Variants in HYDIN observed in about 807,000 individuals in gnomAD.
HYDIN encodes axonemal central pair apparatus protein HYDIN.
A neutral mutation model predicts 403.9 loss-of-function variants in HYDIN; 132 were observed. That is an observed-to-expected ratio of 0.33 (90% CI 0.28 to 0.38). The LOEUF is 0.38. Ranked by LOEUF, HYDIN falls within the 10% of genes least tolerant of loss-of-function variation. The probability of loss-of-function intolerance (pLI) is 1.00; values close to 1 mark genes in which losing one functional copy is unlikely to be tolerated. For missense variants in HYDIN, 2,827 were observed against 5,009.5 expected (o/e 0.56, Z 13.15); for synonymous variants, 1,202 against 1,891.7 (o/e 0.64, Z 9.46).
intron 1 of HYDIN, among the ~76,000 whole-genome samples, chr16:71,191,536 C>T (rs369450029): frequency 1.3e-5 from 2 of 152,282 alleles, no homozygotes; most frequent in African/African-American, 4.8e-5. Flanking sequence ...GTCAATCCAG[C>T]TGTTCCAGTC....
At chr16:70,891,373 G>T (rs1305700208) in intron 57 of HYDIN, among the ~76,000 whole-genome samples, 1 of 152,152 alleles carries the variant, frequency 6.6e-6, no homozygotes, top group African/African-American at 2.4e-5. Flanking sequence ...ATTGTTAGTA[G>T]AGATGGGGTT....
At position 70,903,247 on chromosome 16, in the gene HYDIN, T is replaced by C. The variant is rs565078078; in HGVS notation, c.8849+378A>G. Among the ~76,000 whole-genome samples the C allele has an allele frequency of 2.9e-5, 3 of 103,796 alleles. 1 individual carries two copies. The highest frequency in any genetic ancestry group is 7.5e-5 in the African/African-American group (2 of 26,502). The allele number at this position is 103,796 out of a possible 152,430, so 68.1% of individuals were successfully genotyped here. On this transcript the variant is annotated intron_variant, in intron 52 of 85. Transcript: ENST00000393567. Reference sequence around the variant, plus strand: ...TTCCAATTAATGAATATGTAAGTTCTAGTTTTGGTCTAATGTTCTGCTTCT... The same window carrying C: ...TTCCAATTAATGAATATGTAAGTTCCAGTTTTGGTCTAATGTTCTGCTTCT...
intron 45 of HYDIN, among the ~76,000 whole-genome samples, chr16:70,931,386 T>C (rs2077326988): frequency 1.3e-5 from 2 of 151,558 alleles, no homozygotes; most frequent in African/African-American, 4.9e-5. Context: ...AGTTTAAAGA[T>C]TCCTGACAAT....
chr16:70,849,418 T>C (rs577366799), intron 75 of HYDIN, among the ~76,000 whole-genome samples: 31 of 152,328 alleles, frequency 2.0e-4, no homozygotes, highest in African/African-American at 7.2e-4. Context: ...CCATTCTTTT[T>C]TTTTTCATTC....
At chr16:71,053,577 A>G (rs2081741755) in intron 18 of HYDIN, among the ~76,000 whole-genome samples, 1 of 151,264 alleles carries the variant, frequency 6.6e-6, no homozygotes, top group Non-Finnish European at 1.5e-5. Context: ...ACATACAGTG[A>G]TATGATTTAT....
chr16:71,219,932 C>G (rs1006036933), intron 1 of HYDIN, among the ~76,000 whole-genome samples: 1 of 152,158 alleles, frequency 6.6e-6, no homozygotes, highest in South Asian at 2.1e-4. Context: ...AATGAGTTGT[C>G]GTTTCACTTT....
chr16:70,841,434 CTTTGCTGCTGAGTTTCAGGCCAAGAAA>C (rs1472834798), intron 75 of HYDIN, among the ~76,000 whole-genome samples: 2 of 152,042 alleles, frequency 1.3e-5, no homozygotes, highest in African/African-American at 4.8e-5. Context: ...ATGGCTGCAA[CTTTGCTGCTGAGTTTCAGGCCAAGAAA>C]ACAGTGGAGC....
In HYDIN at chr16:70,923,863, C is replaced by T. The variant is rs1337517284; in HGVS notation, c.7159-2646G>A. 2.9e-5 allele frequency among the ~76,000 whole-genome samples: 4 copies of T among 139,616 alleles called. No homozygotes were observed. The South Asian group carries it at 6.9e-4, about 24-fold the overall frequency. 91.6% of individuals were successfully genotyped at this position (139,616 alleles called of 152,430 possible). On this transcript the variant is annotated intron_variant, in intron 45 of 85. Transcript: ENST00000393567. ...GAACAGAAACTAATGAAACAGAAAA[C>T]ATAAAATGAAGATAATCCACAAAGG...
intron 9 of HYDIN, among the ~76,000 whole-genome samples, chr16:71,120,764 C>A (rs8061216): frequency 0.084 from 12,743 of 151,058 alleles, 1,801 homozygotes; most frequent in African/African-American, 0.29. Flanking sequence ...AAAAAAAAAA[C>A]CAAAGTGCAA....
intron 1 of HYDIN, among the ~76,000 whole-genome samples, chr16:71,223,195 A>T (rs889076809): frequency 2.6e-4 from 39 of 152,248 alleles, no homozygotes; most frequent in Non-Finnish European, 5.9e-5. Flanking sequence ...CTGATATTTG[A>T]CAAAGCATAT....
rs371638619 is a variant in HYDIN, at chr16:70,908,787, C to T, written c.8079G>A (p.Glu2693=). The T allele has an allele frequency of 8.1e-6, 13 of 1,614,122 alleles. No individual in the cohort carries two copies. The highest frequency in any genetic ancestry group is 1.1e-5 in the Non-Finnish European group (13 of 1,180,058). The change falls in exon 48 of 86, where the codon GAG becomes GAA. Residue 2693 remains glutamate (E), a synonymous_variant. Transcript: ENST00000393567. ...CCATGTGACGCTTGTCTTTCTGAAT[C>T]TCGAAGACTTGGTCTATCTTTTCTT... ...KMKEKIDQVF[E]IQKDKRHMAL...
intron 60 of HYDIN, among the ~76,000 whole-genome samples, chr16:70,881,712 G>A (rs2040821592): frequency 6.6e-6 from 1 of 151,984 alleles, no homozygotes; most frequent in African/African-American, 2.4e-5. Context: ...TCTCTGCATT[G>A]ACATTCCCCA....
chr16:71,170,064 C>T (rs1216288092), intron 5 of HYDIN, among the ~76,000 whole-genome samples: 1 of 152,116 alleles, frequency 6.6e-6, no homozygotes, highest in Non-Finnish European at 1.5e-5. Flanking sequence ...CCTGCTTCAG[C>T]CTATTCTCTA....
intron 4 of HYDIN, among the ~76,000 whole-genome samples, chr16:71,176,215 G>A (rs1487285667): frequency 5.4e-5 from 8 of 147,788 alleles, no homozygotes. Context: ...TGAGGCAGGA[G>A]AATCACTTGA....
chr16:70,980,871 T>A (rs2079025458), intron 29 of HYDIN, among the ~76,000 whole-genome samples: 1 of 152,150 alleles, frequency 6.6e-6, no homozygotes, highest in African/African-American at 2.4e-5. Context: ...AAAAGGATAG[T>A]CCTGGGGGCC....
At chr16:70,878,098 T>A (rs534196925) in intron 62 of HYDIN, among the ~76,000 whole-genome samples, 162 of 152,272 alleles carry the variant, frequency 1.1e-3, no homozygotes, top group African/African-American at 3.7e-3. Context: ...GGGAGGGACC[T>A]GGTGGGAGGT....
intron 75 of HYDIN, among the ~76,000 whole-genome samples, chr16:70,841,110 T>C (rs2037789181): frequency 6.6e-6 from 1 of 151,804 alleles, no homozygotes; most frequent in Admixed American, 6.6e-5. Context: ...AACAACTTTA[T>C]ACATTTAAAA....
In HYDIN at chr16:70,921,149, T is replaced by C; in HGVS notation, c.7227A>G (p.Gln2409=). Residue 2409 remains glutamine (Q), a synonymous_variant, in exon 46 of 86, where the codon CAA becomes CAG. Coordinates refer to ENST00000393567, the MANE Select transcript of HYDIN (RefSeq NM_001270974.2). ...TIERKISVRE[Q]TMSEKEELNK... ...TTAGCTCTTCCTTCTCAGACATTGTTTGTTCCCTAACAGATATTTTCCTTT... is the reference window on the plus strand; with the variant it reads ...TTAGCTCTTCCTTCTCAGACATTGTCTGTTCCCTAACAGATATTTTCCTTT... The C allele has an allele frequency of 6.6e-7, 1 of 1,521,974 alleles. No homozygotes were observed. The highest frequency in any genetic ancestry group is 9.0e-7 in the Non-Finnish European group (1 of 1,117,126). The allele number at this position is 1,521,974 out of a possible 1,614,324, so 94.3% of individuals were successfully genotyped here. A position where few individuals can be genotyped will look rare whatever the true frequency, so the allele number is the denominator to read the frequency against.
In HYDIN at chr16:70,803,196, A is replaced by C. The variant is rs971205306; in HGVS notation, c.*4384T>G. Among the ~76,000 whole-genome samples the C allele has an allele frequency of 6.6e-6, 1 of 152,142 alleles. No individual in the cohort carries two copies. Among genetic ancestry groups the C allele is most frequent in the African/African-American group, 2.4e-5 (1 of 41,426 alleles). ...ACCAGAAGTATTCTTTTCTCCTGAAATTATATTCTGGCTCAGGTTGCTAAG... is the reference window on the plus strand; with the variant it reads ...ACCAGAAGTATTCTTTTCTCCTGAACTTATATTCTGGCTCAGGTTGCTAAG... On this transcript the variant is annotated 3_prime_UTR_variant, in exon 86 of 86. Transcript: ENST00000393567.
Sources: gnomAD v4.1 joint callset for allele counts (sites outside exome capture counted in the v4.1 genomes callset) on GRCh38, gnomAD v4.1.1 for gene constraint, MANE v1.5 for transcripts, NCBI Gene and HGNC (gene_info 2026-07-23, HGNC 2026-07-21) for gene names.